The following CIMAP1D variants were observed in gnomAD, a reference collection of about 807,000 sequenced individuals.
The protein encoded by CIMAP1D is CIMAP1 family member D.
chr19:474,631 G>A, the CIMAP1D span: 1 of 1,564,944 alleles, frequency 6.4e-7, no homozygotes, highest in Non-Finnish European at 8.7e-7. Context: ...CGTTCTCCAG[G>A]GTGGCCGTCC....
At chr19:473,767 G>A in the CIMAP1D span, among the ~76,000 whole-genome samples, 10 of 93,546 alleles carry the variant, frequency 1.1e-4, no homozygotes, top group African/African-American at 3.6e-4. Context: ...AGAGATACAC[G>A]ATCACAGATG....
the CIMAP1D span, among the ~76,000 whole-genome samples, chr19:486,198 T>C: frequency 6.6e-6 from 1 of 152,158 alleles, no homozygotes; most frequent in Non-Finnish European, 1.5e-5. Context: ...GGGCTTGTAT[T>C]CCGAGGATTT....
the CIMAP1D span, among the ~76,000 whole-genome samples, chr19:481,285 G>A: frequency 6.8e-6 from 1 of 148,034 alleles, no homozygotes; most frequent in Admixed American, 6.7e-5. Context: ...AAAGTATGAT[G>A]GGAAGGATGA....
the CIMAP1D span, among the ~76,000 whole-genome samples, chr19:483,643 G>T: frequency 6.6e-6 from 1 of 152,192 alleles, no homozygotes. Flanking sequence ...CAGGGATGCC[G>T]CTAGGCACCC....
At chr19:481,266 G>T in the CIMAP1D span, among the ~76,000 whole-genome samples, 1 of 147,166 alleles carries the variant, frequency 6.8e-6, no homozygotes. Flanking sequence ...GATGGGAAAA[G>T]ATGATGGGAA....
the CIMAP1D span, chr19:464,263 G>A: frequency 1.0e-5 from 16 of 1,537,126 alleles, no homozygotes; most frequent in Non-Finnish European, 1.3e-5. Flanking sequence ...AGGGGCTTCA[G>A]GGGGAGGCGG....
the CIMAP1D span, among the ~76,000 whole-genome samples, chr19:475,482 A>G: frequency 5.3e-5 from 8 of 152,184 alleles, no homozygotes; most frequent in Non-Finnish European, 1.2e-4. Flanking sequence ...GGCCCAGGGT[A>G]GCAGTGTGGG....
chr19:473,117 A>G, the CIMAP1D span, among the ~76,000 whole-genome samples: 11 of 101,584 alleles, frequency 1.1e-4, no homozygotes, highest in South Asian at 6.2e-4. Context: ...CAGATCGGGA[A>G]ACTGAGGCCT....
At chr19:489,724 C>T in the CIMAP1D span, 1 of 298,122 alleles carries the variant, frequency 3.4e-6, no homozygotes, top group Non-Finnish European at 6.1e-6. Flanking sequence ...CTCCTGGGGG[C>T]GGGATTGCGG....
At chr19:475,925 C>G in the CIMAP1D span, among the ~76,000 whole-genome samples, 1 of 151,378 alleles carries the variant, frequency 6.6e-6, no homozygotes, top group Non-Finnish European at 1.5e-5. Flanking sequence ...AGGCACCCGC[C>G]ACCACGCCTG....
the CIMAP1D span, among the ~76,000 whole-genome samples, chr19:480,148 A>G: frequency 2.6e-5 from 4 of 152,388 alleles, no homozygotes; most frequent in East Asian, 7.7e-4. Flanking sequence ...CCAGGCTGAC[A>G]GGAACTGCAC....
the CIMAP1D span, among the ~76,000 whole-genome samples, chr19:480,477 GGGA>G: frequency 2.0e-3 from 281 of 137,918 alleles, 5 homozygotes; most frequent in South Asian, 5.7e-3. Context: ...AAGGATGATG[GGGA>G]AGGATGATGG....
the CIMAP1D span, among the ~76,000 whole-genome samples, chr19:470,546 G>C: frequency 6.6e-6 from 1 of 152,172 alleles, no homozygotes; most frequent in Non-Finnish European, 1.5e-5. Flanking sequence ...CTGGGGACAG[G>C]GGGTGCTGAC....
chr19:486,509 C>G, the CIMAP1D span, among the ~76,000 whole-genome samples: 1 of 152,004 alleles, frequency 6.6e-6, no homozygotes. Flanking sequence ...GGCGCAATCT[C>G]GGCTCACTGC....
chr19:471,536 G>A, the CIMAP1D span, among the ~76,000 whole-genome samples: 3 of 151,846 alleles, frequency 2.0e-5, no homozygotes, highest in Non-Finnish European at 2.9e-5. Context: ...CCGACCTCCT[G>A]GGTTCAAGTG....
chr19:466,665 GGTGGATGGATGA>G, the CIMAP1D span, among the ~76,000 whole-genome samples: 1 of 146,270 alleles, frequency 6.8e-6, no homozygotes, highest in African/African-American at 2.6e-5. Context: ...TGGGTAGGTG[GGTGGATGGATGA>G]GTGGATGGAC....
At chr19:469,488 G>A in the CIMAP1D span, among the ~76,000 whole-genome samples, 3 of 152,018 alleles carry the variant, frequency 2.0e-5, no homozygotes, top group African/African-American at 4.8e-5. Flanking sequence ...TCACGAGTTC[G>A]AGACCAGCCT....
At chr19:474,617 GCA>G in the CIMAP1D span, 1 of 1,544,670 alleles carries the variant, frequency 6.5e-7, no homozygotes, top group East Asian at 2.5e-5. Context: ...CGGCTGGCAC[GCA>G]CCGTTCTCCA....
At chr19:491,287 G>A in the CIMAP1D span, among the ~76,000 whole-genome samples, 1 of 152,126 alleles carries the variant, frequency 6.6e-6, no homozygotes, top group South Asian at 2.1e-4. Flanking sequence ...AAAAAAAGAA[G>A]GCTTTTAAAG....
Sources: allele counts gnomAD v4.1 joint callset (sites outside exome capture counted in the v4.1 genomes callset), GRCh38; gene constraint gnomAD v4.1.1; transcripts MANE v1.5; gene names NCBI Gene and HGNC (gene_info 2026-07-23, HGNC 2026-07-21).